The following TOP6BL variants were observed in gnomAD, a reference collection of about 807,000 sequenced individuals.
The protein encoded by TOP6BL is type 2 DNA topoisomerase 6 subunit B-like.
the TOP6BL span, among the ~76,000 whole-genome samples, chr11:66,826,232 A>C: frequency 6.6e-6 from 1 of 152,172 alleles, no homozygotes; most frequent in Non-Finnish European, 1.5e-5. Context: ...TATCACTATA[A>C]TTTTTACTCA....
At chr11:66,785,603 T>C in the TOP6BL span, among the ~76,000 whole-genome samples, 1 of 151,740 alleles carries the variant, frequency 6.6e-6, no homozygotes, top group South Asian at 2.1e-4. Flanking sequence ...GGATTAATCT[T>C]TGTATGGGTG....
At chr11:66,818,751 T>C in the TOP6BL span, among the ~76,000 whole-genome samples, 1 of 152,204 alleles carries the variant, frequency 6.6e-6, no homozygotes, top group Non-Finnish European at 1.5e-5. Context: ...GCAGGCTTTT[T>C]TTAAGGTCTG....
At chr11:66,823,328 A>G in the TOP6BL span, among the ~76,000 whole-genome samples, 1 of 151,618 alleles carries the variant, frequency 6.6e-6, no homozygotes, top group African/African-American at 2.4e-5. Context: ...CAGGATTTTA[A>G]TGACATTCTA....
At chr11:66,796,695 A>C in the TOP6BL span, among the ~76,000 whole-genome samples, 1 of 149,410 alleles carries the variant, frequency 6.7e-6, no homozygotes, top group African/African-American at 2.5e-5. Flanking sequence ...AGGTGAGAGG[A>C]TTGCTTGAGC....
At chr11:66,769,091 G>A in the TOP6BL span, among the ~76,000 whole-genome samples, 1 of 152,182 alleles carries the variant, frequency 6.6e-6, no homozygotes, top group African/African-American at 2.4e-5. Flanking sequence ...GGGAACACAA[G>A]GAGAGTTGTC....
At chr11:66,803,318 A>G in the TOP6BL span, among the ~76,000 whole-genome samples, 1 of 152,200 alleles carries the variant, frequency 6.6e-6, no homozygotes. Context: ...ATGATATCTC[A>G]CACCTGTAGT....
At chr11:66,768,671 T>TG in the TOP6BL span, among the ~76,000 whole-genome samples, 5 of 151,150 alleles carry the variant, frequency 3.3e-5, no homozygotes, top group African/African-American at 1.2e-4. Flanking sequence ...GTTTTTTGTT[T>TG]TTTTTTTTTT....
chr11:66,788,206 T>C, the TOP6BL span: 1 of 1,613,968 alleles, frequency 6.2e-7, no homozygotes. Context: ...TGACTTGGAC[T>C]TCAGAGGAAG....
chr11:66,842,770 T>A, the TOP6BL span: 2 of 1,384,880 alleles, frequency 1.4e-6, no homozygotes, highest in Non-Finnish European at 1.9e-6. Context: ...GCGCCCGTTC[T>A]CCCAGGCTTC....
At chr11:66,781,309 C>T in the TOP6BL span, among the ~76,000 whole-genome samples, 2 of 152,048 alleles carry the variant, frequency 1.3e-5, no homozygotes, top group Middle Eastern at 3.2e-3. Flanking sequence ...ATTTTACTGA[C>T]TCTTCTGTCA....
the TOP6BL span, among the ~76,000 whole-genome samples, chr11:66,817,938 A>AAAT: frequency 6.6e-6 from 1 of 152,176 alleles, no homozygotes; most frequent in African/African-American, 2.4e-5. Context: ...CCTGGGACAT[A>AAAT]AATTTAAGTG....
At chr11:66,839,128 G>A in the TOP6BL span, 7 of 456,172 alleles carry the variant, frequency 1.5e-5, no homozygotes, top group African/African-American at 1.2e-4. Context: ...CATGTCTCCT[G>A]CAGTGCTTAA....
chr11:66,815,090 G>A, the TOP6BL span, among the ~76,000 whole-genome samples: 3 of 152,204 alleles, frequency 2.0e-5, no homozygotes, highest in African/African-American at 4.8e-5. Flanking sequence ...TGACTGGTAT[G>A]AGAACATTGA....
At chr11:66,748,871 CAA>C in the TOP6BL span, among the ~76,000 whole-genome samples, 55 of 56,166 alleles carry the variant, frequency 9.8e-4, no homozygotes, top group Non-Finnish European at 1.6e-3. Context: ...TTGGCAGTAG[CAA>C]AAAAAAAAAA....
At chr11:66,755,178 T>A in the TOP6BL span, among the ~76,000 whole-genome samples, 1 of 151,324 alleles carries the variant, frequency 6.6e-6, no homozygotes. Context: ...GGAGGTGCAG[T>A]GGTGTGATAT....
At chr11:66,788,135 T>G in the TOP6BL span, 1 of 1,534,224 alleles carries the variant, frequency 6.5e-7, no homozygotes, top group Non-Finnish European at 9.0e-7. Context: ...CTTGTTTGAC[T>G]TTGTTGCCAT....
chr11:66,748,145 C>T, the TOP6BL span, among the ~76,000 whole-genome samples: 1 of 152,122 alleles, frequency 6.6e-6, no homozygotes, highest in East Asian at 1.9e-4. Flanking sequence ...TCTCAATTTC[C>T]TGTCTTACTG....
At chr11:66,774,348 G>T in the TOP6BL span, among the ~76,000 whole-genome samples, 1 of 152,078 alleles carries the variant, frequency 6.6e-6, no homozygotes, top group African/African-American at 2.4e-5. Context: ...GGCCAGTATT[G>T]TAGAGTTTTA....
At chr11:66,753,260 C>T in the TOP6BL span, among the ~76,000 whole-genome samples, 2 of 152,150 alleles carry the variant, frequency 1.3e-5, no homozygotes, top group Middle Eastern at 3.4e-3. Flanking sequence ...CTCTGTCTTG[C>T]GGGTGTATCC....
Sources: gnomAD v4.1 joint callset for allele counts (sites outside exome capture counted in the v4.1 genomes callset) on GRCh38, gnomAD v4.1.1 for gene constraint, MANE v1.5 for transcripts, NCBI Gene and HGNC (gene_info 2026-07-23, HGNC 2026-07-21) for gene names.